TBC1D14: variants seen among roughly 807,000 people sequenced by gnomAD.
TBC1D14 encodes TBC1 domain family, member 14.
A neutral mutation model predicts 79.0 loss-of-function variants in TBC1D14; 26 were observed. The observed-to-expected ratio is 0.33, with a 90% CI of 0.24 to 0.46. The LOEUF (loss-of-function observed/expected upper bound fraction) is 0.46. Among genes scored for constraint, TBC1D14 ranks in the 20% least tolerant of loss-of-function variants. TBC1D14 has a pLI of 1.00. For missense variants in TBC1D14, 769 were observed against 887.6 expected, an observed-to-expected ratio of 0.87 and a Z score of 1.70; for synonymous variants, 394 against 349.9, an observed-to-expected ratio of 1.13 and a Z score of -1.40.
chr4:6,960,028 C>A (rs935823813), intron 2 of TBC1D14, among the ~76,000 whole-genome samples: 2 of 149,522 alleles, frequency 1.3e-5, no homozygotes, highest in South Asian at 2.2e-4. Context: ...GCTCAGAAAT[C>A]AAAAATTACA....
intron 2 of TBC1D14, among the ~76,000 whole-genome samples, chr4:6,943,901 A>G (rs886788188): frequency 6.6e-6 from 1 of 152,054 alleles, no homozygotes; most frequent in Non-Finnish European, 1.5e-5. Context: ...AAATTCTATG[A>G]TTGTTCTGGG....
In TBC1D14 at chr4:7,030,430, C is replaced by T; in HGVS notation, c.*38C>T. ...AATTCGCACTCGGCACCAATCAGAGCCCCATGCCGCGGCCCCTCTGTTGTT... is the reference window on the plus strand; with the variant it reads ...AATTCGCACTCGGCACCAATCAGAGTCCCATGCCGCGGCCCCTCTGTTGTT... On this transcript the variant is annotated 3_prime_UTR_variant, in exon 14 of 14. Coordinates refer to ENST00000409757, the MANE Select transcript of TBC1D14 (RefSeq NM_020773.3). 1 of 1,605,522 alleles carries T rather than the reference C, an allele frequency of 6.2e-7. No individual in the cohort carries two copies. Among genetic ancestry groups the T allele is most frequent in the Non-Finnish European group, 8.5e-7 (1 of 1,172,660 alleles).
At position 7,009,726 on chromosome 4, in the gene TBC1D14, A is replaced by G. The variant is rs985675719; in HGVS notation, c.1447-151A>G. The G allele has an allele frequency of 2.8e-5, 21 of 754,134 alleles. No individual in the cohort carries two copies. In the Admixed American group the frequency reaches 4.3e-4, roughly 15 times the overall value. The allele number at this position is 754,134 out of a possible 1,614,324, so 46.7% of individuals were successfully genotyped here. A position where few individuals can be genotyped will look rare whatever the true frequency, so the allele number is the denominator to read the frequency against. ...GAATGGGTAATTTGTTAAATTCCATATGCATATAGAGCTGCTGGCATCATG... is the reference window on the plus strand; with the variant it reads ...GAATGGGTAATTTGTTAAATTCCATGTGCATATAGAGCTGCTGGCATCATG... On this transcript the variant is annotated intron_variant, in intron 9 of 13. Coordinates refer to ENST00000409757, the MANE Select transcript of TBC1D14 (RefSeq NM_020773.3).
rs527579518 is a variant in TBC1D14, at chr4:6,980,995, G to A, written c.844-13189G>A. 1.6e-3 allele frequency among the ~76,000 whole-genome samples: 247 copies of A among 150,194 alleles called. 1 individual carries two copies. Among genetic ancestry groups the A allele is most frequent in the Non-Finnish European group, 2.4e-3 (160 of 67,748 alleles). ...CTCCCAAAGTGCTGGGATTACAGGCGTGAGCCACCGCGCCCGGCCTCTGTC... is the reference window on the plus strand; with the variant it reads ...CTCCCAAAGTGCTGGGATTACAGGCATGAGCCACCGCGCCCGGCCTCTGTC... On this transcript the variant is annotated intron_variant, in intron 3 of 13. Coordinates refer to ENST00000409757, the MANE Select transcript of TBC1D14 (RefSeq NM_020773.3).
Position 7,030,325 on chromosome 4 carries a change from A to G in TBC1D14, c.2017-2A>G, listed in dbSNP as rs1245488514. ...CTCAGCTGTCTTCCCTGTGACTTCT[A>G]GGTACTGACTGCATTGCAGAAAGAC... On this transcript the variant is annotated splice_acceptor_variant, in intron 13 of 13. Transcript: ENST00000409757. LOFTEE classifies it high-confidence loss of function. The G allele has an allele frequency of 6.2e-7, 1 of 1,613,808 alleles. No individual in the cohort carries two copies. Among genetic ancestry groups the G allele is most frequent in the Non-Finnish European group, 8.5e-7 (1 of 1,179,770 alleles).
Position 6,967,332 on chromosome 4 carries a change from A to G in TBC1D14, c.751A>G (p.Arg251Gly). The part of the protein sequence containing the change: ...RNLLARKQSA[R>G]LDKHNDLGWK... Reference sequence around the variant, plus strand: ...CTTGCTTGCTAGAAAACAAAGTGCAAGGCTTGACAAACACAATGACTTGGG... The same window carrying G: ...CTTGCTTGCTAGAAAACAAAGTGCAGGGCTTGACAAACACAATGACTTGGG... The change falls in exon 3 of 14, where the codon AGG becomes GGG. Residue 251 changes from arginine to glycine, a missense_variant. Transcript: ENST00000409757. 6.2e-7 allele frequency: 1 copy of G among 1,614,142 alleles called. No individual in the cohort carries two copies. Among genetic ancestry groups the G allele is most frequent in the Non-Finnish European group, 8.5e-7 (1 of 1,180,010 alleles).
chr4:7,025,233 A>G lies in TBC1D14; in HGVS notation c.1987A>G (p.Met663Val), dbSNP rs770450733. Residue 663 changes from methionine to valine, a missense_variant, in exon 13 of 14, where the codon ATG (methionine) becomes GTG (valine). This residue lies in a region of TBC1D14 where 367 missense variants were observed against 494.4 expected (regional missense o/e 0.74). Coordinates refer to ENST00000409757, the MANE Select transcript of TBC1D14 (RefSeq NM_020773.3). ...GTTTGCCTCCATCGCCACGATCCAG[A>G]TGCAGAGCCGAAACAAGAAGTGGGC... Reference protein sequence around the residue: ...ELFASIATIQMQSRNKKWAQV... With the variant: ...ELFASIATIQVQSRNKKWAQV... The G allele has an allele frequency of 4.3e-6, 7 of 1,614,120 alleles. No individual in the cohort carries two copies. Among genetic ancestry groups the G allele is most frequent in the African/African-American group, 2.7e-5 (2 of 74,934 alleles).
intron 2 of TBC1D14, among the ~76,000 whole-genome samples, chr4:6,957,334 G>A (rs774344187): frequency 6.6e-6 from 1 of 152,246 alleles, no homozygotes. Context: ...AATTCCATGG[G>A]AGCAGGCGCT....
Position 6,996,333 on chromosome 4 carries a change from C to T in TBC1D14, c.971C>T (p.Pro324Leu). Residue 324 changes from proline to leucine, a missense_variant, in exon 5 of 14, where the codon CCA (proline) becomes CTA (leucine). This residue lies in a region of TBC1D14 where 367 missense variants were observed against 494.4 expected (regional missense o/e 0.74). Transcript: ENST00000409757. ...ATTTCTTTCCTGTCAAGAAATCTCC[C>T]AGCAAAACCAGCTGAAGAAGCTCAG... is the stretch of plus-strand genomic sequence containing the variant. ...LILEDRPANL[P>L]AKPAEEAQKH... 1 of 1,613,428 alleles carries T rather than the reference C, an allele frequency of 6.2e-7. No homozygotes were observed. Among genetic ancestry groups the T allele is most frequent in the African/African-American group, 1.3e-5 (1 of 74,980 alleles).
chr4:6,978,688 C>G (rs6839624), intron 3 of TBC1D14, among the ~76,000 whole-genome samples: 1 of 142,732 alleles, frequency 7.0e-6, no homozygotes, highest in African/African-American at 2.8e-5. Context: ...ACTATTGTCC[C>G]GTGATCCTGC....
intron 2 of TBC1D14, among the ~76,000 whole-genome samples, chr4:6,925,956 G>A (rs1577468109): frequency 6.6e-6 from 1 of 152,342 alleles, no homozygotes; most frequent in East Asian, 1.9e-4. Flanking sequence ...AACCTTGCTT[G>A]AAATGGGTTT....
chr4:6,931,673 C>A (rs1577476050), intron 2 of TBC1D14, among the ~76,000 whole-genome samples: 1 of 152,104 alleles, frequency 6.6e-6, no homozygotes, highest in East Asian at 1.9e-4. Flanking sequence ...GCTTTGTTTT[C>A]TTTTGGCAGC....
At chr4:6,927,033 G>A (rs1220785379) in intron 2 of TBC1D14, among the ~76,000 whole-genome samples, 4 of 152,208 alleles carry the variant, frequency 2.6e-5, no homozygotes, top group Non-Finnish European at 4.4e-5. Context: ...GGGTGGAGAC[G>A]GGCAGGGATG....
intron 2 of TBC1D14, among the ~76,000 whole-genome samples, chr4:6,938,842 G>A (rs1454516734): frequency 6.6e-6 from 1 of 152,160 alleles, no homozygotes; most frequent in Non-Finnish European, 1.5e-5. Context: ...GGCCTCCCAG[G>A]GGCCCAGTGT....
intron 6 of TBC1D14, among the ~76,000 whole-genome samples, chr4:6,999,649 C>T (rs1045583984): frequency 5.9e-5 from 9 of 152,094 alleles, no homozygotes; most frequent in South Asian, 2.1e-4. Context: ...CCTGGGGCCT[C>T]GCATGTTCCA....
intron 2 of TBC1D14, among the ~76,000 whole-genome samples, chr4:6,965,532 TC>T: frequency 6.6e-6 from 1 of 152,310 alleles, no homozygotes; most frequent in Non-Finnish European, 1.5e-5. Context: ...AGATCAGATG[TC>T]CTGTGCCATC....
chr4:6,910,032 CCGGCCGAGGCGGGGAG>C (rs1185902967), intron 1 of TBC1D14, 81 bp downstream of exon 1: 1 of 147,624 alleles, frequency 6.8e-6, no homozygotes, highest in Non-Finnish European at 1.5e-5. Flanking sequence ...TGCTGCAGCG[CCGGCCGAGGCGGGGAG>C]CGGCCGGGGC....
At chr4:7,011,990 A>G (rs542099927) in intron 11 of TBC1D14, among the ~76,000 whole-genome samples, 3 of 152,218 alleles carry the variant, frequency 2.0e-5, no homozygotes, top group Non-Finnish European at 4.4e-5. Flanking sequence ...CAGATAGTAC[A>G]TACATAAAGT....
chr4:6,963,459 C>T (rs552280631), intron 2 of TBC1D14, among the ~76,000 whole-genome samples: 3 of 152,354 alleles, frequency 2.0e-5, no homozygotes, highest in South Asian at 4.1e-4. Context: ...TCTGCAGTGC[C>T]CAGGCTCGCT....
Sources: allele counts gnomAD v4.1 joint callset (sites outside exome capture counted in the v4.1 genomes callset), GRCh38; gene constraint gnomAD v4.1.1; regional missense constraint gnomAD v4.1.1; transcripts MANE v1.5; gene names NCBI Gene and HGNC (gene_info 2026-07-23, HGNC 2026-07-21).